ELMO1: variants seen among roughly 807,000 people sequenced by gnomAD.
ELMO1 encodes the protein engulfment and cell motility protein 1.
Under a neutral mutation model 98.9 loss-of-function variants are expected in ELMO1, and 26 were observed. The observed-to-expected ratio is 0.26, with a 90% CI of 0.19 to 0.36. ELMO1 has a LOEUF of 0.36. Ranked by LOEUF, ELMO1 falls within the 10% of genes least tolerant of loss-of-function variation. The pLI, the probability that ELMO1 is intolerant of heterozygous loss-of-function variation, is 1.00. For missense variants in ELMO1, 627 were observed against 935.2 expected (o/e 0.67, Z 4.30); for synonymous variants, 346 against 346.0 (o/e 1.00, Z 0.00).
chr7:37,025,577 C>G (rs544020718), intron 15 of ELMO1, among the ~76,000 whole-genome samples: 2 of 152,198 alleles, frequency 1.3e-5, no homozygotes, highest in South Asian at 4.1e-4. Context: ...GAAAGAGGAA[C>G]TTAGCCCTTT....
intron 16 of ELMO1, among the ~76,000 whole-genome samples, chr7:36,918,771 A>G (rs760372469): frequency 6.6e-6 from 1 of 152,250 alleles, no homozygotes; most frequent in Non-Finnish European, 1.5e-5. Context: ...ATTTCAAAAT[A>G]TATGATTAGT....
At chr7:36,940,936 G>T (rs1207775764) in intron 16 of ELMO1, among the ~76,000 whole-genome samples, 1 of 152,232 alleles carries the variant, frequency 6.6e-6, no homozygotes, top group Non-Finnish European at 1.5e-5. Flanking sequence ...GGCACAGATA[G>T]TGTGATAACT....
At chr7:36,880,842 CAA>C (rs1417905803) in intron 18 of ELMO1, among the ~76,000 whole-genome samples, 1 of 152,170 alleles carries the variant, frequency 6.6e-6, no homozygotes, top group Non-Finnish European at 1.5e-5. Flanking sequence ...TTTCAAGAGG[CAA>C]AACAGCCATC....
chr7:37,100,913 C>T (rs1017009749), intron 14 of ELMO1, among the ~76,000 whole-genome samples: 3 of 152,200 alleles, frequency 2.0e-5, no homozygotes, highest in African/African-American at 2.4e-5. Flanking sequence ...TTGTGAGATA[C>T]GAAGACCTTA....
intron 17 of ELMO1, among the ~76,000 whole-genome samples, chr7:36,888,840 G>T (rs2129051754): frequency 6.6e-6 from 1 of 152,314 alleles, no homozygotes; most frequent in Middle Eastern, 3.4e-3. Context: ...CTCACACAGT[G>T]CTCCATTCTG....
At chr7:36,884,447 T>C (rs1804754336) in intron 18 of ELMO1, among the ~76,000 whole-genome samples, 1 of 152,146 alleles carries the variant, frequency 6.6e-6, no homozygotes, top group Non-Finnish European at 1.5e-5. Context: ...CCCTTATGGC[T>C]ATTTGATAGA....
chr7:37,207,241 G>A (rs1280018328), intron 13 of ELMO1, among the ~76,000 whole-genome samples: 1 of 152,162 alleles, frequency 6.6e-6, no homozygotes, highest in Non-Finnish European at 1.5e-5. Context: ...CCCTTCCTTA[G>A]AAGCTCCACT....
chr7:37,088,779 C>T (rs1041898024), intron 15 of ELMO1, among the ~76,000 whole-genome samples: 5 of 152,210 alleles, frequency 3.3e-5, no homozygotes, highest in African/African-American at 1.2e-4. Flanking sequence ...CAATCACCTT[C>T]AAATGACTTT....
intron 13 of ELMO1, among the ~76,000 whole-genome samples, chr7:37,173,856 G>A (rs562080626): frequency 3.0e-4 from 46 of 152,334 alleles, no homozygotes; most frequent in African/African-American, 1.1e-3. Flanking sequence ...AGTGAGGTTA[G>A]ACAAAGATAA....
intron 15 of ELMO1, among the ~76,000 whole-genome samples, chr7:37,042,241 GAA>G (rs1268389460): frequency 6.7e-6 from 1 of 149,068 alleles, no homozygotes; most frequent in Non-Finnish European, 1.5e-5. Flanking sequence ...GAGAGAGAAA[GAA>G]AGAGTGAGTG....
At chr7:37,057,678 G>T (rs1424069947) in intron 15 of ELMO1, among the ~76,000 whole-genome samples, 1 of 152,154 alleles carries the variant, frequency 6.6e-6, no homozygotes, top group Non-Finnish European at 1.5e-5. Flanking sequence ...TTTCAACGCA[G>T]ATGTGTGCAT....
At chr7:37,302,760 T>C (rs1798414092) in intron 4 of ELMO1, among the ~76,000 whole-genome samples, 1 of 152,132 alleles carries the variant, frequency 6.6e-6, no homozygotes, top group Non-Finnish European at 1.5e-5. Context: ...GATAATGAAT[T>C]TTTGCTTTAG....
chr7:37,203,915 A>C (rs917416092), intron 13 of ELMO1, among the ~76,000 whole-genome samples: 2 of 152,176 alleles, frequency 1.3e-5, no homozygotes, highest in Non-Finnish European at 2.9e-5. Flanking sequence ...GGTTCCAGGC[A>C]AACCAACGCT....
rs147536153 is a variant in ELMO1 at position 36,975,268 on chromosome 7, G to A, written c.1437+38031C>T. ...GCAGATCACTTGACGTCAGGAGTTC[G>A]AGGCCAGCCTGGGCAACATGGTGAA... On this transcript the variant is annotated intron_variant, in intron 16 of 21. Transcript: ENST00000310758. 6.8e-3 allele frequency among the ~76,000 whole-genome samples: 1,040 copies of A among 151,982 alleles called. 6 individuals are homozygous for A. The highest frequency in any genetic ancestry group is 0.014 in the Admixed American group (208 of 15,280).
chr7:37,037,037 G>C (rs988111680), intron 15 of ELMO1, among the ~76,000 whole-genome samples: 1 of 152,076 alleles, frequency 6.6e-6, no homozygotes, highest in Non-Finnish European at 1.5e-5. Context: ...TAATGAGAAG[G>C]AAAGAGAAAT....
chr7:37,358,915 C>T lies in ELMO1; in HGVS notation c.-73-16152G>A, dbSNP rs114404431. Among the ~76,000 whole-genome samples the T allele has an allele frequency of 4.1e-3, 618 of 151,984 alleles. 7 individuals are homozygous for T. The highest frequency in any genetic ancestry group is 0.014 in the African/African-American group (599 of 41,446). On this transcript the variant is annotated intron_variant, in intron 1 of 21. Transcript: ENST00000310758. The stretch of plus-strand genomic sequence containing the variant: ...TGGCAGTGACTTGGGCTGGAGTGGT[C>T]GTGGAGACAGAAAAGGTGATGGATT...
At chr7:36,902,614 C>A (rs1783659121) in intron 16 of ELMO1, among the ~76,000 whole-genome samples, 1 of 152,198 alleles carries the variant, frequency 6.6e-6, no homozygotes, top group Non-Finnish European at 1.5e-5. Context: ...CTGAGTTATT[C>A]TTGAATGCAA....
chr7:37,355,388 A>G (rs1801458628), intron 1 of ELMO1, among the ~76,000 whole-genome samples: 1 of 152,232 alleles, frequency 6.6e-6, no homozygotes, highest in Non-Finnish European at 1.5e-5. Flanking sequence ...GAGGAAACAC[A>G]TCTGTAGTCC....
intron 16 of ELMO1, among the ~76,000 whole-genome samples, chr7:36,981,060 GTATT>G (rs930956861): frequency 1.3e-5 from 2 of 151,594 alleles, no homozygotes; most frequent in African/African-American, 4.9e-5. Flanking sequence ...AGGAAAGATG[GTATT>G]TAATCACATG....
Sources: allele counts gnomAD v4.1 joint callset (sites outside exome capture counted in the v4.1 genomes callset), GRCh38; gene constraint gnomAD v4.1.1; transcripts MANE v1.5; gene names NCBI Gene and HGNC (gene_info 2026-07-23, HGNC 2026-07-21).